Variants in SLC34A3 observed in about 807,000 individuals in gnomAD.
SLC34A3 encodes sodium-dependent phosphate transport protein 2C.
SLC34A3 carries 60 observed loss-of-function variants against 43.9 expected under a neutral mutation model. The observed-to-expected ratio is 1.37, with a 90% CI of 1.11 to 1.70. SLC34A3 has a LOEUF of 1.70. Ranked by LOEUF, SLC34A3 falls within the 40% of genes most tolerant of loss-of-function variation. The pLI is 0.00. For missense variants in SLC34A3, 969 were observed against 823.8 expected (o/e 1.18, Z -2.16); for synonymous variants, 451 against 386.2 (o/e 1.17, Z -1.97).
chr9:137,233,980 C>G (rs1836411805), intron 9 of SLC34A3, 39 bp downstream of exon 9: 1 of 1,490,474 alleles, frequency 6.7e-7, no homozygotes, highest in South Asian at 1.3e-5. Context: ...ACACCCCCCA[C>G]ACTCCCCCTC....
chr9:137,230,834 G>C (rs1443235389), upstream of SLC34A3: 1 of 152,148 alleles, frequency 6.6e-6, no homozygotes, highest in African/African-American at 2.4e-5. Context: ...AACATTAATG[G>C]GCTCAGTACC....
Position 137,231,770 on chromosome 9 carries a change from A to G in SLC34A3, c.68A>G (p.Lys23Arg), listed in dbSNP as rs748039656. 8.1e-6 allele frequency: 13 copies of G among 1,613,050 alleles called. No homozygotes were observed. In the East Asian group the frequency reaches 2.9e-4, roughly 36 times the overall value. ...PTLDAVDLVE[K>R]TLRNEGTSSS... ...CTGGACGCGGTTGACCTAGTGGAAA[A>G]GACTCTGAGGAATGAAGGTACCAGT... The change falls in exon 2 of 13, where the codon AAG (lysine) becomes AGG (arginine). Residue 23 changes from lysine (K) to arginine (R), a missense_variant. Coordinates refer to ENST00000673835, the MANE Select transcript of SLC34A3 (RefSeq NM_001177316.2).
chr9:137,234,082 C>T lies in SLC34A3; in HGVS notation c.926-27C>T. 2.0e-6 allele frequency: 3 copies of T among 1,528,318 alleles called. No individual in the cohort carries two copies. Among genetic ancestry groups the T allele is most frequent in the Non-Finnish European group, 2.6e-6 (3 of 1,139,926 alleles). The allele number at this position is 1,528,318 out of a possible 1,614,324, so 94.7% of individuals were successfully genotyped here. A position where few individuals can be genotyped will look rare whatever the true frequency, so the allele number is the denominator to read the frequency against. The stretch of plus-strand genomic sequence containing the variant: ...ACCCCGGCCCACCCCCCAGGCTCCC[C>T]CTCACCTGCCCCTGCCCTGCCCCCA... On this transcript the variant is annotated intron_variant, in intron 9 of 12. Transcript: ENST00000673835. The surrounding 1 kb of genome is among the most constrained non-coding windows in gnomAD (Gnocchi z 6.9).
chr9:137,233,779 T>TTC, intron 8 of SLC34A3, 57 bp downstream of exon 8: 2 of 1,445,818 alleles, frequency 1.4e-6, no homozygotes, highest in East Asian at 2.3e-5. Flanking sequence ...TGCTGAGTCA[T>TTC]CCCGCCCCAC....
upstream of SLC34A3, chr9:137,230,745 C>T (rs1425760181): frequency 1.3e-5 from 2 of 152,244 alleles, no homozygotes; most frequent in Non-Finnish European, 2.9e-5. Flanking sequence ...GTCCTAGCCA[C>T]AGAGTGACAG....
Position 137,233,056 on chromosome 9 carries a change from A to G in SLC34A3, c.501A>G (p.Thr167=). The change falls in exon 6 of 13, where the codon ACA becomes ACG. Residue 167 remains threonine, a synonymous_variant. Transcript: ENST00000673835. ...TCATCATGGGTGTCAACGTAGGCAC[A>G]TCCATCACCAGCACCCTGGTCTCAA... ...VPIIMGVNVG[T]SITSTLVSMA... The G allele has an allele frequency of 1.9e-6, 3 of 1,611,854 alleles. No individual in the cohort carries two copies. The highest frequency in any genetic ancestry group is 8.5e-7 in the Non-Finnish European group (1 of 1,179,888).
In SLC34A3 at chr9:137,235,827, T is replaced by C; in HGVS notation, c.1336-125T>C. The C allele has an allele frequency of 3.5e-6, 3 of 866,858 alleles. No homozygotes were observed. The South Asian group carries it at 4.4e-5, about 13-fold the overall frequency. The allele number at this position is 866,858 out of a possible 1,614,324, so 53.7% of individuals were successfully genotyped here. Reference sequence around the variant, plus strand: ...GCCCGCCTCCCAGACGGCCATCTCATCCGTGAAGCAGGATGAACTTCAGAC... The same window carrying C: ...GCCCGCCTCCCAGACGGCCATCTCACCCGTGAAGCAGGATGAACTTCAGAC... On this transcript the variant is annotated intron_variant, in intron 12 of 12. Transcript: ENST00000673835.
intron 8 of SLC34A3, 57 bp downstream of exon 8, chr9:137,233,779 T>TGCCCCCCCC: frequency 2.4e-5 from 35 of 1,445,820 alleles, no homozygotes; most frequent in Middle Eastern, 2.1e-4. Flanking sequence ...TGCTGAGTCA[T>TGCCCCCCCC]CCCGCCCCAC....
chr9:137,234,462 C>T lies in SLC34A3; in HGVS notation c.1140C>T (p.Leu380=), dbSNP rs113568956. The part of the protein sequence containing the change: ...LGWLGGYLAV[L]AGAGLTFALQ... Reference sequence around the variant, plus strand: ...GGCTCGGCGGCTACCTGGCCGTCCTCGCGGGCGCCGGCCTGACCTTCGCAC... The same window carrying T: ...GGCTCGGCGGCTACCTGGCCGTCCTTGCGGGCGCCGGCCTGACCTTCGCAC... Residue 380 remains leucine (L), a synonymous_variant, in exon 11 of 13, where the codon CTC becomes CTT. Transcript: ENST00000673835. The surrounding 1 kb of genome is among the most constrained non-coding windows in gnomAD (Gnocchi z 6.9). The T allele has an allele frequency of 3.8e-3, 6,112 of 1,599,324 alleles. 20 individuals are homozygous for T. The highest frequency in any genetic ancestry group is 0.02 in the Middle Eastern group (119 of 6,050).
At chr9:137,232,014 G>GC in intron 2 of SLC34A3, 58 bp from the exon 3 acceptor site, 1 of 1,528,816 alleles carries the variant, frequency 6.5e-7, no homozygotes, top group East Asian at 2.2e-5. Context: ...GTGCCCTTGT[G>GC]CCCCCAGTTG....
At chr9:137,233,499 T>A in intron 7 of SLC34A3, 95 bp downstream of exon 7, 2 of 1,573,490 alleles carry the variant, frequency 1.3e-6, no homozygotes, top group East Asian at 2.3e-5. Context: ...CAGCGGAGGG[T>A]CTGGGCCCTG....
In SLC34A3 at chr9:137,234,765, C is replaced by T. The variant is rs780975487; in HGVS notation, c.1335+34C>T. On this transcript the variant is annotated intron_variant, in intron 12 of 12. Transcript: ENST00000673835. This position sits in a 1 kb window ranked among gnomAD's most constrained non-coding sequence, Gnocchi z 6.9. ...CACCCTGCCCCGCTGCCAGAACTGG[C>T]CAGCTTCCTCTCAGCCCCACAGACA... The T allele has an allele frequency of 3.1e-6, 5 of 1,601,532 alleles. No individual in the cohort carries two copies. The Admixed American group carries it at 5.0e-5, about 16-fold the overall frequency.
intron 1 of SLC34A3, 64 bp from the exon 2 acceptor site, chr9:137,231,600 C>T: frequency 8.6e-6 from 9 of 1,048,478 alleles, no homozygotes; most frequent in Non-Finnish European, 1.3e-5. Flanking sequence ...GGTGTGAATC[C>T]AGCTTGTGAG....
upstream of SLC34A3, chr9:137,230,866 AG>A (rs1203897906): frequency 9.2e-5 from 14 of 152,222 alleles, no homozygotes; most frequent in African/African-American, 3.4e-4. Context: ...GTGCGCGATC[AG>A]GGGATCTTTG....
Position 137,236,289 on chromosome 9 carries a change from C to G in SLC34A3, c.1673C>G (p.Ser558Cys), listed in dbSNP as rs1490549370. The stretch of plus-strand genomic sequence containing the variant: ...GCCTGGCTCCCCGTCTGGCTCCATT[C>G]TCTGGAGCCCTGGGACCGCCTGGTG... The part of the protein sequence containing the change: ...SWAWLPVWLH[S>C]LEPWDRLVTR... The change falls in exon 13 of 13, where the codon TCT becomes TGT. Residue 558 changes from serine (S) to cysteine (C), a missense_variant. By Grantham distance (112) the Ser-to-Cys change is moderately radical. Transcript: ENST00000673835. The G allele has an allele frequency of 6.5e-7, 1 of 1,542,588 alleles. No individual in the cohort carries two copies. The highest frequency in any genetic ancestry group is 2.0e-5 in the Admixed American group (1 of 51,006).
At chr9:137,235,873 TGGA>T (rs1480650614) in intron 12 of SLC34A3, 76 bp from the exon 13 acceptor site, 15 of 1,273,536 alleles carry the variant, frequency 1.2e-5, no homozygotes, top group Admixed American at 1.0e-4. Flanking sequence ...TTCTGTAGGG[TGGA>T]GGAGGGCAGG....
rs138643794 is a variant in SLC34A3 at position 137,236,059 on chromosome 9, C to T, written c.1443C>T (p.Thr481=). 92 of 1,612,506 alleles carry T rather than the reference C, an allele frequency of 5.7e-5. No homozygotes were observed. In the African/African-American group the frequency reaches 7.3e-4, roughly 13 times the overall value. Residue 481 remains threonine (T), a synonymous_variant, in exon 13 of 13, where the codon ACC becomes ACT. Transcript: ENST00000673835. Reference sequence around the variant, plus strand: ...TGGCCAGGCACTTCGGGGTGGTGACCGCCCGTTACCGCTGGGTGGCTGGGG... The same window carrying T: ...TGGCCAGGCACTTCGGGGTGGTGACTGCCCGTTACCGCTGGGTGGCTGGGG... ...IPLARHFGVV[T]ARYRWVAGVY...
In SLC34A3 at chr9:137,232,926, G is replaced by A; in HGVS notation, c.447G>A (p.Lys149=). The A allele has an allele frequency of 6.2e-7, 1 of 1,607,158 alleles. No individual in the cohort carries two copies. The highest frequency in any genetic ancestry group is 8.5e-7 in the Non-Finnish European group (1 of 1,177,248). The part of the protein sequence containing the change: ...SSIVVSMVAA[K]LLTVRVSVPI... ...TCGTGGTCAGCATGGTGGCTGCTAA[G>A]CGTGGGTGCACACTCCCTCCCCGGG... Residue 149 remains lysine, a splice_region_variant and synonymous_variant, in exon 5 of 13, where the codon AAG becomes AAA. Transcript: ENST00000673835.
chr9:137,236,345 C>T lies in SLC34A3; in HGVS notation c.1729C>T (p.Pro577Ser), dbSNP rs1206048730. 2 of 1,541,242 alleles carry T rather than the reference C, an allele frequency of 1.3e-6. No homozygotes were observed. The highest frequency in any genetic ancestry group is 3.9e-5 in the Admixed American group (2 of 51,008). The change falls in exon 13 of 13, where the codon CCC becomes TCC. Residue 577 changes from proline to serine, a missense_variant. Pro to Ser is a moderately conservative substitution (Grantham distance 74, BLOSUM62 -1). Coordinates refer to ENST00000673835, the MANE Select transcript of SLC34A3 (RefSeq NM_001177316.2). Reference sequence around the variant, plus strand: ...CTGCTGCCCCTGCAACGTCTGCAGCCCCCCGAAGGCCACCACCAAAGAGGC... The same window carrying T: ...CTGCTGCCCCTGCAACGTCTGCAGCTCCCCGAAGGCCACCACCAAAGAGGC... ...TRCCPCNVCS[P>S]PKATTKEAYC...
Sources: gnomAD v4.1 joint callset for allele counts on GRCh38, gnomAD v4.1.1 for gene constraint, Gnocchi (gnomAD v3.1) non-coding constraint, MANE v1.5 for transcripts, NCBI Gene and HGNC (gene_info 2026-07-23, HGNC 2026-07-21) for gene names.